Variants in ZNF280D observed in about 807,000 individuals in gnomAD.
ZNF280D encodes the protein zinc finger protein 280D.
Under a neutral mutation model 94.7 loss-of-function variants are expected in ZNF280D, and 39 were observed. That is an observed-to-expected ratio of 0.41 (90% CI 0.32 to 0.54). ZNF280D has a LOEUF of 0.54. Among genes scored for constraint, ZNF280D ranks in the 20% least tolerant of loss-of-function variants. The probability of loss-of-function intolerance (pLI) is 0.22; values close to 1 mark genes in which losing one functional copy is unlikely to be tolerated. For missense variants in ZNF280D, 1,090 were observed against 1,149.3 expected, an observed-to-expected ratio of 0.95 and a Z score of 0.75; for synonymous variants, 398 against 377.6, an observed-to-expected ratio of 1.05 and a Z score of -0.63.
chr15:56,723,058 T>C (rs1475703068), intron 1 of ZNF280D, among the ~76,000 whole-genome samples: 2 of 120,600 alleles, frequency 1.7e-5, no homozygotes. Context: ...AAGGGGAACA[T>C]CACACTCTGG....
rs932454283 is a variant in ZNF280D at position 56,666,284 on chromosome 15, T to C, written c.1994+111A>G. 8 of 1,123,144 alleles carry C rather than the reference T, an allele frequency of 7.1e-6. No individual in the cohort carries two copies. The African/African-American group carries it at 9.6e-5, about 14-fold the overall frequency. The allele number at this position is 1,123,144 out of a possible 1,614,324, so 69.6% of individuals were successfully genotyped here. A position where few individuals can be genotyped will look rare whatever the true frequency, so the allele number is the denominator to read the frequency against. ...AAAAGTTCCTTATTGTTAGATCCTT[T>C]TAGCTCCTTGAAGAGAAAAACTGGC... is the stretch of plus-strand genomic sequence containing the variant. On this transcript the variant is annotated intron_variant, in intron 16 of 21. Transcript: ENST00000267807.
At chr15:56,702,555 A>T (rs1303662977) in intron 4 of ZNF280D, among the ~76,000 whole-genome samples, 1 of 152,228 alleles carries the variant, frequency 6.6e-6, no homozygotes, top group Non-Finnish European at 1.5e-5. Context: ...ATCTACAATC[A>T]GTATAAATTC....
intron 21 of ZNF280D, 139 bp from the exon 22 acceptor site, chr15:56,632,261 T>C (rs2140485921): frequency 5.1e-6 from 4 of 782,008 alleles, no homozygotes; most frequent in Non-Finnish European, 7.7e-6. Flanking sequence ...AAGTTCCCAA[T>C]CCTCGCTATG....
chr15:56,674,667 T>C (rs2055093920), intron 13 of ZNF280D, among the ~76,000 whole-genome samples: 1 of 152,046 alleles, frequency 6.6e-6, no homozygotes, highest in African/African-American at 2.4e-5. Context: ...CATCTAGTGG[T>C]TGAGAGGATT....
chr15:56,676,398 C>T (rs2055235766), intron 13 of ZNF280D, among the ~76,000 whole-genome samples: 1 of 152,070 alleles, frequency 6.6e-6, no homozygotes, highest in African/African-American at 2.4e-5. Flanking sequence ...TTTGGATATT[C>T]CACTCAACTT....
At chr15:56,695,306 C>G (rs1423138523) in intron 6 of ZNF280D, among the ~76,000 whole-genome samples, 1 of 152,086 alleles carries the variant, frequency 6.6e-6, no homozygotes, top group African/African-American at 2.4e-5. Context: ...CTTCTGACCT[C>G]AGGTGATCCA....
At position 56,666,894 on chromosome 15, in the gene ZNF280D, A is replaced by C. The variant is rs1403174179; in HGVS notation, c.1638T>G (p.Pro546=). The C allele has an allele frequency of 1.2e-6, 2 of 1,613,798 alleles. No homozygotes were observed. Among genetic ancestry groups the C allele is most frequent in the South Asian group, 2.2e-5 (2 of 91,078 alleles). ...SASASTLQLS[P]PRTKNITAKN... is the part of the protein sequence containing the mutation. ...TAGCAGTTATATTTTTAGTCCTTGG[A>C]GGTGAGAGCTGAAGGGTAGAAGCAC... Residue 546 remains proline, a synonymous_variant, in exon 15 of 22, where the codon CCT becomes CCG. Coordinates refer to ENST00000267807, the MANE Select transcript of ZNF280D (RefSeq NM_017661.4).
At chr15:56,702,964 G>A (rs2057175564) in intron 4 of ZNF280D, among the ~76,000 whole-genome samples, 1 of 143,476 alleles carries the variant, frequency 7.0e-6, no homozygotes, top group East Asian at 2.0e-4. Flanking sequence ...CACACACGCT[G>A]GTAAACTGGG....
In ZNF280D at chr15:56,682,487, A is replaced by C. The variant is rs1308927196; in HGVS notation, c.781-10T>G. 3.4e-6 allele frequency: 2 copies of C among 589,298 alleles called. No homozygotes were observed. The highest frequency in any genetic ancestry group is 4.6e-6 in the Non-Finnish European group (2 of 434,018). 36.5% of individuals were successfully genotyped at this position (589,298 alleles called of 1,614,324 possible). ...TGTCTGGACAACAATACTGAAAGAG[A>C]AAAAAAAAAAAAAAAAACAAGCCTT... On this transcript the variant is annotated splice_polypyrimidine_tract_variant and intron_variant, in intron 9 of 21. Coordinates refer to ENST00000267807, the MANE Select transcript of ZNF280D (RefSeq NM_017661.4).
At chr15:56,657,682 A>C (rs761529759) in intron 17 of ZNF280D, among the ~76,000 whole-genome samples, 28 of 152,194 alleles carry the variant, frequency 1.8e-4, no homozygotes, top group Non-Finnish European at 3.1e-4. Context: ...ATACCACTTT[A>C]TACCCATTAG....
chr15:56,725,044 A>G, intron 1 of ZNF280D: 1 of 330,176 alleles, frequency 3.0e-6, no homozygotes, highest in Non-Finnish European at 6.0e-6. Flanking sequence ...GACAGAGATT[A>G]GGATTATACC....
chr15:56,672,962 G>C (rs1411680480), intron 13 of ZNF280D, among the ~76,000 whole-genome samples: 2 of 151,572 alleles, frequency 1.3e-5, no homozygotes, highest in Non-Finnish European at 2.9e-5. Flanking sequence ...TTACAAGTGT[G>C]ATACATTGGA....
intron 1 of ZNF280D, among the ~76,000 whole-genome samples, chr15:56,724,678 G>T (rs555563052): frequency 1.3e-5 from 2 of 152,292 alleles, no homozygotes; most frequent in South Asian, 4.1e-4. Flanking sequence ...TTGCAAAGAA[G>T]TATTTGTTCT....
chr15:56,711,282 T>G (rs551712406), intron 1 of ZNF280D, among the ~76,000 whole-genome samples: 11 of 152,308 alleles, frequency 7.2e-5, no homozygotes, highest in African/African-American at 2.6e-4. Context: ...TTAAATGAGA[T>G]AATATATGTA....
rs147347725 is a variant in ZNF280D, at chr15:56,663,377, C to T, written c.1994+3018G>A. ...ACCAACTTACAGGGATGGATTGGGG[C>T]AGGTATGAGACCAAAGGGAAAAAGA... is the stretch of plus-strand genomic sequence containing the variant. On this transcript the variant is annotated intron_variant, in intron 16 of 21. Transcript: ENST00000267807. Among the ~76,000 whole-genome samples the T allele has an allele frequency of 3.0e-3, 461 of 151,288 alleles. 6 individuals carry two copies. Among genetic ancestry groups the T allele is most frequent in the African/African-American group, 0.011 (438 of 41,202 alleles).
intron 16 of ZNF280D, among the ~76,000 whole-genome samples, chr15:56,666,020 C>T (rs1366825821): frequency 6.6e-6 from 1 of 151,984 alleles, no homozygotes; most frequent in Non-Finnish European, 1.5e-5. Flanking sequence ...CCTGTTGTCC[C>T]AGCTACTCAG....
chr15:56,691,563 T>C (rs1489315316), intron 7 of ZNF280D, among the ~76,000 whole-genome samples: 3 of 152,184 alleles, frequency 2.0e-5, no homozygotes, highest in Non-Finnish European at 2.9e-5. Context: ...TTCTCTGCTG[T>C]GTTTGGCTTG....
intron 1 of ZNF280D, among the ~76,000 whole-genome samples, chr15:56,718,811 A>T (rs1320675271): frequency 6.6e-6 from 1 of 152,154 alleles, no homozygotes. Flanking sequence ...GCAAGTATCC[A>T]CCTCAAGACC....
In ZNF280D at chr15:56,692,953, G is replaced by A. The variant is rs533567411; in HGVS notation, c.499+145C>T. On this transcript the variant is annotated intron_variant, in intron 7 of 21. Transcript: ENST00000267807. ...TTTTACAGAAAATTACCCACATAAG[G>A]TATTCAAGTACTAGTGACGTTCCAC... 4.6e-5 allele frequency: 22 copies of A among 482,772 alleles called. No individual in the cohort carries two copies. The East Asian group carries it at 8.6e-4, about 19-fold the overall frequency. 29.9% of individuals were successfully genotyped at this position (482,772 alleles called of 1,614,324 possible). A position where few individuals can be genotyped will look rare whatever the true frequency, so the allele number is the denominator to read the frequency against.
Sources: gnomAD v4.1 joint callset for allele counts (sites outside exome capture counted in the v4.1 genomes callset) on GRCh38, gnomAD v4.1.1 for gene constraint, MANE v1.5 for transcripts, NCBI Gene and HGNC (gene_info 2026-07-23, HGNC 2026-07-21) for gene names.